STX8: variants seen among roughly 807,000 people sequenced by gnomAD.
STX8 encodes syntaxin 8, also known as syntaxin-8.
Under a neutral mutation model 37.5 loss-of-function variants are expected in STX8, and 23 were observed. The observed-to-expected ratio is 0.61, with a 90% CI of 0.44 to 0.87. The LOEUF is 0.87. Among genes scored for constraint, STX8 ranks in the 40% least tolerant of loss-of-function variants. The pLI is 0.00. For missense variants in STX8, 313 were observed against 284.7 expected, an observed-to-expected ratio of 1.10 and a Z score of -0.71; for synonymous variants, 115 against 99.1, an observed-to-expected ratio of 1.16 and a Z score of -0.95.
intron 7 of STX8, among the ~76,000 whole-genome samples, chr17:9,296,909 C>G (rs1908573339): frequency 6.6e-6 from 1 of 152,096 alleles, no homozygotes. Context: ...TGGGCCTCAT[C>G]TCATTATTTT....
chr17:9,493,812 T>C (rs1906961814), intron 5 of STX8, among the ~76,000 whole-genome samples: 1 of 152,174 alleles, frequency 6.6e-6, no homozygotes, highest in Admixed American at 6.5e-5. Context: ...GTCAAATTTC[T>C]CTCTCCTGAT....
intron 6 of STX8, among the ~76,000 whole-genome samples, chr17:9,436,502 A>C (rs1295472892): frequency 6.6e-6 from 1 of 152,184 alleles, no homozygotes; most frequent in African/African-American, 2.4e-5. Flanking sequence ...TGATTTTGAA[A>C]AATATCAATA....
intron 7 of STX8, among the ~76,000 whole-genome samples, chr17:9,355,482 G>T (rs1445853964): frequency 6.7e-6 from 1 of 149,272 alleles, no homozygotes; most frequent in Non-Finnish European, 1.5e-5. Flanking sequence ...CTACAGGCAT[G>T]CACCACCACA....
At chr17:9,542,175 A>G (rs565044325) in intron 4 of STX8, among the ~76,000 whole-genome samples, 1 of 151,826 alleles carries the variant, frequency 6.6e-6, no homozygotes, top group South Asian at 2.1e-4. Context: ...CCTGGCCAAC[A>G]TGGTAAAACC....
At chr17:9,444,052 C>T (rs561848371) in intron 6 of STX8, among the ~76,000 whole-genome samples, 3 of 152,186 alleles carry the variant, frequency 2.0e-5, no homozygotes, top group Admixed American at 6.5e-5. Flanking sequence ...CTGTATCATA[C>T]CTAGTTTGAC....
intron 6 of STX8, among the ~76,000 whole-genome samples, chr17:9,402,000 G>C (rs1464208970): frequency 6.6e-6 from 1 of 152,162 alleles, no homozygotes; most frequent in Non-Finnish European, 1.5e-5. Flanking sequence ...GCAATTTCCA[G>C]AGGCAGGGAT....
At chr17:9,353,356 C>A (rs779548561) in intron 7 of STX8, among the ~76,000 whole-genome samples, 2 of 152,192 alleles carry the variant, frequency 1.3e-5, no homozygotes, top group Non-Finnish European at 2.9e-5. Context: ...GTCTTAGTTT[C>A]TTTTGGGAGT....
chr17:9,514,847 T>C (rs1015599746), intron 4 of STX8, among the ~76,000 whole-genome samples: 2 of 152,104 alleles, frequency 1.3e-5, no homozygotes, highest in Non-Finnish European at 2.9e-5. Flanking sequence ...GCATATCCAC[T>C]AGACAGAAGG....
intron 7 of STX8, among the ~76,000 whole-genome samples, chr17:9,279,235 T>C (rs1159796043): frequency 6.6e-6 from 1 of 152,100 alleles, no homozygotes. Context: ...TTTTGTATTT[T>C]TAGTAGAGAC....
chr17:9,384,461 AC>A (rs1235390106), intron 6 of STX8, among the ~76,000 whole-genome samples: 1 of 152,016 alleles, frequency 6.6e-6, no homozygotes, highest in African/African-American at 2.4e-5. Context: ...ACATGGTGAA[AC>A]CCCGTCTCTA....
chr17:9,394,514 G>A (rs368043247), intron 6 of STX8, among the ~76,000 whole-genome samples: 112 of 151,486 alleles, frequency 7.4e-4, no homozygotes, highest in African/African-American at 2.4e-3. Context: ...ACAGGCGCCC[G>A]CCACCATGCC....
chr17:9,539,665 C>CA (rs1906199387), intron 4 of STX8, among the ~76,000 whole-genome samples: 3 of 141,160 alleles, frequency 2.1e-5, no homozygotes, highest in South Asian at 2.1e-4. Flanking sequence ...CCCAACTGAC[C>CA]CCCCCCACCC....
intron 6 of STX8, among the ~76,000 whole-genome samples, chr17:9,411,564 T>G (rs57117812): frequency 2.6e-5 from 4 of 152,236 alleles, no homozygotes; most frequent in African/African-American, 9.6e-5. Context: ...TCAAAAGCAG[T>G]TCAGCTGTTT....
intron 7 of STX8, among the ~76,000 whole-genome samples, chr17:9,296,469 GC>G (rs1417441776): frequency 6.9e-6 from 1 of 144,724 alleles, no homozygotes; most frequent in African/African-American, 2.6e-5. Flanking sequence ...CTGCATTCCA[GC>G]CTAGGCAACG....
chr17:9,486,826 T>G (rs1342943293), intron 6 of STX8, among the ~76,000 whole-genome samples: 1 of 152,142 alleles, frequency 6.6e-6, no homozygotes, highest in African/African-American at 2.4e-5. Flanking sequence ...GCCACTACAC[T>G]CCAGCTTGGG....
intron 7 of STX8, among the ~76,000 whole-genome samples, chr17:9,267,791 C>T (rs1284599344): frequency 6.6e-6 from 1 of 152,068 alleles, no homozygotes; most frequent in East Asian, 1.9e-4. Flanking sequence ...GAGTTCAAGA[C>T]CAGCATGGCC....
At chr17:9,293,791 TC>T in intron 7 of STX8, among the ~76,000 whole-genome samples, 1 of 151,688 alleles carries the variant, frequency 6.6e-6, no homozygotes, top group Non-Finnish European at 1.5e-5. Flanking sequence ...AGATGGAGTC[TC>T]TGTCTGTCGC....
At chr17:9,365,374 C>T (rs1281585748) in intron 7 of STX8, among the ~76,000 whole-genome samples, 1 of 152,244 alleles carries the variant, frequency 6.6e-6, no homozygotes, top group Non-Finnish European at 1.5e-5. Context: ...GTTTCCCTGT[C>T]TGGCCCTTGA....
rs913539943 is a variant in STX8 at position 9,274,532 on chromosome 17, C to T, written c.644-23887G>A. Among the ~76,000 whole-genome samples, 3 of 150,794 alleles carry T rather than the reference C, an allele frequency of 2.0e-5. No homozygotes were observed. In the East Asian group the frequency reaches 5.9e-4, roughly 30 times the overall value. On this transcript the variant is annotated intron_variant, in intron 7 of 7. Transcript: ENST00000306357. ...TCTACTAAAAATACAAAAAATTAAC[C>T]GGGCGTGTTGGTGGGCACCTGTAGT...
Sources: allele counts gnomAD v4.1 joint callset (sites outside exome capture counted in the v4.1 genomes callset), GRCh38; gene constraint gnomAD v4.1.1; transcripts MANE v1.5; gene names NCBI Gene and HGNC (gene_info 2026-07-23, HGNC 2026-07-21).